Variants in UBE2E1 observed in about 807,000 individuals in gnomAD.
The protein encoded by UBE2E1 is ubiquitin conjugating enzyme E2 E1.
A neutral mutation model predicts 21.4 loss-of-function variants in UBE2E1; 6 were observed. The observed-to-expected ratio is 0.28, with a 90% confidence interval of 0.15 to 0.55. UBE2E1 has a LOEUF of 0.55. Among genes scored for constraint, UBE2E1 ranks in the 20% least tolerant of loss-of-function variants. The pLI, the probability that UBE2E1 is intolerant of heterozygous loss-of-function variation, is 0.93. For synonymous variants in UBE2E1, 87 were observed against 82.7 expected, an observed-to-expected ratio of 1.05 and a Z score of -0.28; for missense variants, 142 against 236.5, an observed-to-expected ratio of 0.60 and a Z score of 2.62.
At position 23,810,165 on chromosome 3, in the gene UBE2E1, C is replaced by CA. The variant is rs1478918748; in HGVS notation, c.153-1294dup. ...TGTGTGTTTAAAATTTTTTTAACTA[C>CA]AGTGCTGCCTCGGTGAGATTTTTAA... is the stretch of plus-strand genomic sequence containing the variant. On this transcript the variant is annotated intron_variant, in intron 2 of 5. Transcript: ENST00000306627. The surrounding 1 kb of genome is among the most constrained non-coding windows in gnomAD (Gnocchi z 5.8). 6.6e-6 allele frequency among the ~76,000 whole-genome samples: 1 copy of CA among 152,192 alleles called. No homozygotes were observed. The highest frequency in any genetic ancestry group is 1.9e-4 in the East Asian group (1 of 5,200).
rs889594449 is a variant in UBE2E1 at position 23,887,775 on chromosome 3, T to C, written c.336+76T>C. The C allele has an allele frequency of 1.6e-5, 24 of 1,514,576 alleles. No individual in the cohort carries two copies. In the Admixed American group the frequency reaches 5.5e-4, roughly 35 times the overall value. The allele number at this position is 1,514,576 out of a possible 1,614,324, so 93.8% of individuals were successfully genotyped here. On this transcript the variant is annotated intron_variant, in intron 4 of 5. Transcript: ENST00000306627. This position sits in a 1 kb window ranked among gnomAD's most constrained non-coding sequence, Gnocchi z 4.4. ...ACTGTTGAGGTTTTTCTAAATTTAA[T>C]TTTTAATCACAGAAACTAGATTTAT...
At chr3:23,865,028 T>C (rs1231441009) in intron 3 of UBE2E1, among the ~76,000 whole-genome samples, 2 of 152,242 alleles carry the variant, frequency 1.3e-5, no homozygotes, top group Non-Finnish European at 1.5e-5. Flanking sequence ...TGTAACAAAT[T>C]ACTGCAAATT....
rs1317485657 is a variant in UBE2E1, at chr3:23,842,241, GTGTGT to G, written c.203+30732_203+30736del. On this transcript the variant is annotated intron_variant, in intron 3 of 5. Transcript: ENST00000306627. This position sits in a 1 kb window ranked among gnomAD's most constrained non-coding sequence, Gnocchi z 4.6. ...TGTGTGTGTGTGTGTGTGTGTGTGTGTGTGTGTGGTGTTGTTGTTGTTGGCGACAG... is the reference window on the plus strand; with the variant it reads ...TGTGTGTGTGTGTGTGTGTGTGTGTGGTGGTGTTGTTGTTGTTGGCGACAG... Among the ~76,000 whole-genome samples, 3 of 67,674 alleles carry G rather than the reference GTGTGT, an allele frequency of 4.4e-5. No homozygotes were observed. The highest frequency in any genetic ancestry group is 1.7e-4 in the African/African-American group (3 of 18,036). 44.4% of individuals were successfully genotyped at this position (67,674 alleles called of 152,430 possible).
chr3:23,883,010 C>A (rs896302715), intron 3 of UBE2E1, among the ~76,000 whole-genome samples: 1 of 152,200 alleles, frequency 6.6e-6, no homozygotes, highest in Non-Finnish European at 1.5e-5. Context: ...TGAAGGGCTC[C>A]TCAAGCGCGG....
intron 3 of UBE2E1, among the ~76,000 whole-genome samples, chr3:23,838,426 C>T (rs1700015396): frequency 6.6e-6 from 1 of 152,072 alleles, no homozygotes; most frequent in South Asian, 2.1e-4. Context: ...ATCTGACAAT[C>T]TTTGCTTTTA....
At position 23,876,269 on chromosome 3, in the gene UBE2E1, C is replaced by T. The variant is rs555887732; in HGVS notation, c.204-11298C>T. ...TAGTTATTAGGACTATGGCAGTGGT[C>T]GCCCTGCTTTTTAATAGCACTTACA... On this transcript the variant is annotated intron_variant, in intron 3 of 5. Transcript: ENST00000306627. The surrounding 1 kb of genome is among the most constrained non-coding windows in gnomAD (Gnocchi z 4.3). Among the ~76,000 whole-genome samples, 14 of 152,338 alleles carry T rather than the reference C, an allele frequency of 9.2e-5. No homozygotes were observed. Among genetic ancestry groups the T allele is most frequent in the African/African-American group, 3.1e-4 (13 of 41,568 alleles).
chr3:23,877,008 G>A (rs574148563), intron 3 of UBE2E1, among the ~76,000 whole-genome samples: 1 of 152,366 alleles, frequency 6.6e-6, no homozygotes, highest in South Asian at 2.1e-4. Context: ...GAGCAACAGA[G>A]TGAGACACTG....
Position 23,853,550 on chromosome 3 carries a change from T to A in UBE2E1, c.204-34017T>A, listed in dbSNP as rs986256241. Among the ~76,000 whole-genome samples the A allele has an allele frequency of 1.1e-4, 16 of 152,184 alleles. No individual in the cohort carries two copies. Among genetic ancestry groups the A allele is most frequent in the Admixed American group, 2.6e-4 (4 of 15,276 alleles). ...AGATTTTTCTTCTGTTGTTTTTTTT[T>A]AATATAAGTTTTATGGTTTTAGCTG... On this transcript the variant is annotated intron_variant, in intron 3 of 5. Transcript: ENST00000306627. This position sits in a 1 kb window ranked among gnomAD's most constrained non-coding sequence, Gnocchi z 4.1.
At chr3:23,807,191 G>A (rs1699297776) in intron 1 of UBE2E1, 46 bp from the exon 2 acceptor site, 1 of 1,486,520 alleles carries the variant, frequency 6.7e-7, no homozygotes, top group Non-Finnish European at 9.0e-7. Context: ...TATTTACACT[G>A]GCTGCATGGT....
chr3:23,877,297 G>A (rs373019956), intron 3 of UBE2E1, among the ~76,000 whole-genome samples: 19 of 151,722 alleles, frequency 1.3e-4, no homozygotes, highest in Admixed American at 8.5e-4. Flanking sequence ...ATCCTTTTTT[G>A]GTGTACCAGG....
intron 3 of UBE2E1, among the ~76,000 whole-genome samples, chr3:23,886,961 C>CT (rs1262160659): frequency 2.0e-5 from 3 of 152,134 alleles, no homozygotes; most frequent in Non-Finnish European, 4.4e-5. Flanking sequence ...GGAGGAATGT[C>CT]TCAAGTATTA....
intron 3 of UBE2E1, among the ~76,000 whole-genome samples, chr3:23,851,092 T>G (rs1475283342): frequency 6.6e-6 from 1 of 152,178 alleles, no homozygotes; most frequent in Non-Finnish European, 1.5e-5. Context: ...GGGTTCAGTT[T>G]CATTTTTTTG....
chr3:23,835,105 A>G (rs1356215231), intron 3 of UBE2E1, among the ~76,000 whole-genome samples: 3 of 152,228 alleles, frequency 2.0e-5, no homozygotes, highest in Admixed American at 6.5e-5. Flanking sequence ...GAAGCAGTCT[A>G]GCATTAACTG....
At chr3:23,821,012 G>A (rs574705031) in intron 3 of UBE2E1, among the ~76,000 whole-genome samples, 21 of 152,324 alleles carry the variant, frequency 1.4e-4, no homozygotes, top group African/African-American at 3.8e-4. Flanking sequence ...TTATTATGAA[G>A]CAATGTTGTA....
intron 3 of UBE2E1, among the ~76,000 whole-genome samples, chr3:23,825,829 A>G (rs1023858287): frequency 6.6e-6 from 1 of 152,176 alleles, no homozygotes; most frequent in Non-Finnish European, 1.5e-5. Context: ...CTTTAAATGG[A>G]GGAGTGAAAT....
intron 3 of UBE2E1, among the ~76,000 whole-genome samples, chr3:23,849,637 A>G (rs1471500592): frequency 1.3e-5 from 2 of 152,146 alleles, no homozygotes; most frequent in Non-Finnish European, 2.9e-5. Context: ...GTTAATTTGC[A>G]GAGGATGATG....
At chr3:23,857,885 C>T (rs923712432) in intron 3 of UBE2E1, among the ~76,000 whole-genome samples, 1 of 152,014 alleles carries the variant, frequency 6.6e-6, no homozygotes, top group Non-Finnish European at 1.5e-5. Context: ...AGTCTCGCTC[C>T]GTTGCCCAGG....
In UBE2E1 at chr3:23,853,664, T is replaced by C. The variant is rs1483626122; in HGVS notation, c.204-33903T>C. On this transcript the variant is annotated intron_variant, in intron 3 of 5. Coordinates refer to ENST00000306627, the MANE Select transcript of UBE2E1 (RefSeq NM_003341.5). The surrounding 1 kb of genome is among the most constrained non-coding windows in gnomAD (Gnocchi z 4.1). ...AGGGGAGAGGAGACACTTGTCCCTC[T>C]TAACTTGTTTCTTGGTAATGAGTGA... Among the ~76,000 whole-genome samples the C allele has an allele frequency of 6.6e-6, 1 of 152,196 alleles. No homozygotes were observed. The highest frequency in any genetic ancestry group is 1.9e-4 in the East Asian group (1 of 5,200).
At chr3:23,865,303 T>C (rs934215049) in intron 3 of UBE2E1, among the ~76,000 whole-genome samples, 3 of 152,196 alleles carry the variant, frequency 2.0e-5, no homozygotes, top group Non-Finnish European at 4.4e-5. Context: ...GTTTATGTCA[T>C]AGGAGCTTGC....
Sources: allele counts gnomAD v4.1 joint callset (sites outside exome capture counted in the v4.1 genomes callset), GRCh38; gene constraint gnomAD v4.1.1; non-coding constraint Gnocchi (gnomAD v3.1); transcripts MANE v1.5; gene names NCBI Gene and HGNC (gene_info 2026-07-23, HGNC 2026-07-21).